MACROD2: variants seen among roughly 807,000 people sequenced by gnomAD.
MACROD2 encodes the protein ADP-ribose glycohydrolase MACROD2.
Under a neutral mutation model 70.4 loss-of-function variants are expected in MACROD2, and 36 were observed. The ratio of observed to expected loss-of-function variants is 0.51; its 90% CI spans 0.39 to 0.68. The LOEUF (loss-of-function observed/expected upper bound fraction) is 0.68. MACROD2 is among the 30% of genes least tolerant of loss of function. MACROD2 has a pLI of 0.00. For synonymous variants in MACROD2, 172 were observed against 178.8 expected, an observed-to-expected ratio of 0.96 and a Z score of 0.30; for missense variants, 496 against 538.4, an observed-to-expected ratio of 0.92 and a Z score of 0.78.
At chr20:15,515,457 C>A (rs1224846809) in intron 8 of MACROD2, among the ~76,000 whole-genome samples, 5 of 152,210 alleles carry the variant, frequency 3.3e-5, no homozygotes, top group African/African-American at 1.2e-4. Context: ...AATACTGCAT[C>A]TTTGGTGAAT....
Position 14,539,727 on chromosome 20 carries a change from A to G in MACROD2, c.301+46219A>G, listed in dbSNP as rs537736080. On this transcript the variant is annotated intron_variant, in intron 4 of 17. Coordinates refer to ENST00000684519, the MANE Select transcript of MACROD2 (RefSeq NM_001351661.2). The stretch of plus-strand genomic sequence containing the variant: ...ATTTTTGATAAGCACTGATAACTCA[A>G]AGATAATGCTGCTAATGTATAGACA... Among the ~76,000 whole-genome samples, 5 of 152,342 alleles carry G rather than the reference A, an allele frequency of 3.3e-5. No homozygotes were observed. In the South Asian group the frequency reaches 1.0e-3, roughly 32 times the overall value.
At chr20:15,827,709 G>T (rs2064012642) in intron 8 of MACROD2, among the ~76,000 whole-genome samples, 1 of 152,186 alleles carries the variant, frequency 6.6e-6, no homozygotes, top group Non-Finnish European at 1.5e-5. Flanking sequence ...TTATCAGCAT[G>T]AACTAAACTC....
At chr20:14,373,712 A>T (rs2083347065) in intron 3 of MACROD2, among the ~76,000 whole-genome samples, 1 of 152,152 alleles carries the variant, frequency 6.6e-6, no homozygotes, top group African/African-American at 2.4e-5. Flanking sequence ...ATAGAAGTTC[A>T]CAGTTTCTAT....
At chr20:14,907,964 A>G (rs2073979136) in intron 5 of MACROD2, among the ~76,000 whole-genome samples, 1 of 152,206 alleles carries the variant, frequency 6.6e-6, no homozygotes, top group Non-Finnish European at 1.5e-5. Flanking sequence ...AAACACATCC[A>G]TGAACTTGGA....
At chr20:14,562,667 A>G (rs1979516832) in intron 4 of MACROD2, among the ~76,000 whole-genome samples, 1 of 151,850 alleles carries the variant, frequency 6.6e-6, no homozygotes, top group African/African-American at 2.4e-5. Context: ...GGAAATAAGA[A>G]GTGAGATTTT....
At chr20:14,737,856 G>GT (rs1340496247) in intron 5 of MACROD2, among the ~76,000 whole-genome samples, 1 of 152,088 alleles carries the variant, frequency 6.6e-6, no homozygotes, top group African/African-American at 2.4e-5. Context: ...TTAGCCCTTT[G>GT]TCAGATGGAT....
intron 3 of MACROD2, among the ~76,000 whole-genome samples, chr20:14,226,661 G>C (rs1352999083): frequency 3.3e-5 from 5 of 152,232 alleles, no homozygotes; most frequent in African/African-American, 1.2e-4. Context: ...GCCAGCGGCT[G>C]CGGAGGGTGT....
At chr20:14,337,332 G>T (rs1379269231) in intron 3 of MACROD2, 2 of 330,778 alleles carry the variant, frequency 6.0e-6, no homozygotes, top group South Asian at 3.1e-4. Context: ...GTATCAAGTC[G>T]TTTCTTTCTA....
chr20:14,223,987 T>A (rs1413466986), intron 3 of MACROD2, among the ~76,000 whole-genome samples: 3 of 152,162 alleles, frequency 2.0e-5, no homozygotes, highest in African/African-American at 7.2e-5. Context: ...CCGAAGGTGA[T>A]CCGTTGGCAG....
At chr20:15,671,880 A>G (rs756683722) in intron 8 of MACROD2, among the ~76,000 whole-genome samples, 3 of 152,226 alleles carry the variant, frequency 2.0e-5, no homozygotes, top group Non-Finnish European at 4.4e-5. Context: ...ACATTGAATT[A>G]TTGGACTGAA....
At chr20:15,736,488 G>T (rs2051022654) in intron 8 of MACROD2, among the ~76,000 whole-genome samples, 1 of 152,156 alleles carries the variant, frequency 6.6e-6, no homozygotes, top group Non-Finnish European at 1.5e-5. Flanking sequence ...GATAAAAAGT[G>T]TGAGCAGCAT....
At chr20:15,135,482 G>A (rs1324060143) in intron 5 of MACROD2, among the ~76,000 whole-genome samples, 1 of 144,074 alleles carries the variant, frequency 6.9e-6, no homozygotes, top group South Asian at 2.3e-4. Context: ...TATCTCAATA[G>A]ATGCAGAAAA....
chr20:14,437,532 T>G (rs1025797836), intron 3 of MACROD2, among the ~76,000 whole-genome samples: 1 of 152,158 alleles, frequency 6.6e-6, no homozygotes, highest in Non-Finnish European at 1.5e-5. Flanking sequence ...AAGAAGAGGT[T>G]GCAGTGAGTC....
intron 8 of MACROD2, among the ~76,000 whole-genome samples, chr20:15,522,737 T>A (rs1187519976): frequency 6.6e-6 from 1 of 152,196 alleles, no homozygotes; most frequent in African/African-American, 2.4e-5. Context: ...AACTGAACAT[T>A]GTTCTAGACT....
chr20:15,031,744 T>TAGCC (rs1170142337), intron 5 of MACROD2, among the ~76,000 whole-genome samples: 5 of 152,098 alleles, frequency 3.3e-5, no homozygotes, highest in Non-Finnish European at 7.4e-5. Flanking sequence ...GGTCCATGGG[T>TAGCC]AGCCATAGGC....
intron 5 of MACROD2, among the ~76,000 whole-genome samples, chr20:15,041,478 C>G (rs1289797550): frequency 6.6e-6 from 1 of 152,070 alleles, no homozygotes; most frequent in Non-Finnish European, 1.5e-5. Context: ...CAGGGTCTCA[C>G]TCTGTCACCC....
intron 8 of MACROD2, among the ~76,000 whole-genome samples, chr20:15,800,502 T>C (rs983199205): frequency 1.3e-5 from 2 of 152,152 alleles, no homozygotes; most frequent in Admixed American, 6.6e-5. Context: ...TGCATAGGGA[T>C]ATTCAGTTTT....
At chr20:15,003,623 A>C (rs1317339969) in intron 5 of MACROD2, among the ~76,000 whole-genome samples, 1 of 152,136 alleles carries the variant, frequency 6.6e-6, no homozygotes, top group African/African-American at 2.4e-5. Context: ...CTTTCCCTTA[A>C]TTATTCCTGG....
chr20:14,027,994 C>T (rs1332379743), intron 2 of MACROD2, among the ~76,000 whole-genome samples: 1 of 152,228 alleles, frequency 6.6e-6, no homozygotes, highest in African/African-American at 2.4e-5. Context: ...ATGTTTACTT[C>T]TGCTGAAGCT....
Sources: gnomAD v4.1 joint callset for allele counts (sites outside exome capture counted in the v4.1 genomes callset) on GRCh38, gnomAD v4.1.1 for gene constraint, MANE v1.5 for transcripts, NCBI Gene and HGNC (gene_info 2026-07-23, HGNC 2026-07-21) for gene names.